The following CXCR2 variants were observed in gnomAD, a reference collection of about 807,000 sequenced individuals.
CXCR2 encodes C-X-C chemokine receptor type 2.
A neutral mutation model predicts 3.7 loss-of-function variants in CXCR2; 2 were observed. The observed-to-expected ratio is 0.55, with a 90% CI of 0.22 to 1.72. The LOEUF (loss-of-function observed/expected upper bound fraction) is 1.72. CXCR2 is among the 40% of genes most tolerant of loss of function. The probability of loss-of-function intolerance (pLI) is 0.19; values close to 1 mark genes in which losing one functional copy is unlikely to be tolerated. For missense variants in CXCR2, 351 were observed against 450.1 expected (o/e 0.78, Z 1.99); for synonymous variants, 203 against 193.3 (o/e 1.05, Z -0.41).
At position 218,136,903 on chromosome 2, in the gene CXCR2, A is replaced by C. The variant is rs1690822966; in HGVS notation, c.*1019A>C. ...AGAGTGAACAAATTTACAGAGACAGAAAGCAGAACAGTGATTACCAGGGAC... is the reference window on the plus strand; with the variant it reads ...AGAGTGAACAAATTTACAGAGACAGCAAGCAGAACAGTGATTACCAGGGAC... On this transcript the variant is annotated 3_prime_UTR_variant, in exon 3 of 3. Coordinates refer to ENST00000318507, the MANE Select transcript of CXCR2 (RefSeq NM_001557.4). 6.0e-6 allele frequency: 1 copy of C among 167,318 alleles called. No homozygotes were observed. The highest frequency in any genetic ancestry group is 2.4e-5 in the African/African-American group (1 of 41,448). The allele number at this position is 167,318 out of a possible 1,614,324, so 10.4% of individuals were successfully genotyped here.
intron 2 of CXCR2, among the ~76,000 whole-genome samples, chr2:218,132,717 C>T (rs764830700): frequency 2.6e-5 from 4 of 152,116 alleles, no homozygotes; most frequent in Non-Finnish European, 5.9e-5. Context: ...TCTTATGGGA[C>T]CACTGTGGTA....
Position 218,126,288 on chromosome 2 carries a change from C to T in CXCR2, c.-143C>T, listed in dbSNP as rs201887993. 2.6e-5 allele frequency: 4 copies of T among 152,338 alleles called. No individual in the cohort carries two copies. Among genetic ancestry groups the T allele is most frequent in the Non-Finnish European group, 5.9e-5 (4 of 68,066 alleles). The allele number at this position is 152,338 out of a possible 1,614,324, so 9.4% of individuals were successfully genotyped here. On this transcript the variant is annotated 5_prime_UTR_variant, in exon 1 of 3. Coordinates refer to ENST00000318507, the MANE Select transcript of CXCR2 (RefSeq NM_001557.4). ...GTTTCATCTTTTTTTTCCTGTCTAA[C>T]AGCTCTGACTACCACCCAACCTTGA...
upstream of CXCR2, chr2:218,125,752 T>C (rs1690493086): frequency 1.3e-5 from 2 of 152,652 alleles, no homozygotes; most frequent in African/African-American, 4.8e-5. Flanking sequence ...TGAAGGGTGC[T>C]AGGACAGAGG....
At chr2:218,128,518 A>G (rs562536773) in intron 1 of CXCR2, among the ~76,000 whole-genome samples, 1 of 152,354 alleles carries the variant, frequency 6.6e-6, no homozygotes, top group African/African-American at 2.4e-5. Context: ...GCCTGGATTA[A>G]TTCATTCATT....
Position 218,135,977 on chromosome 2 carries a change from G to C in CXCR2, c.*93G>C. On this transcript the variant is annotated 3_prime_UTR_variant, in exon 3 of 3. Coordinates refer to ENST00000318507, the MANE Select transcript of CXCR2 (RefSeq NM_001557.4). The surrounding 1 kb of genome is among the most constrained non-coding windows in gnomAD (Gnocchi z 4.0). ...TGTCCACTGGTTCTTCTTGGTCTCAGTGTCAATGCAGCCCCCATTGTGGTC... is the reference window on the plus strand; with the variant it reads ...TGTCCACTGGTTCTTCTTGGTCTCACTGTCAATGCAGCCCCCATTGTGGTC... The C allele has an allele frequency of 1.4e-6, 2 of 1,470,242 alleles. No homozygotes were observed. Among genetic ancestry groups the C allele is most frequent in the Non-Finnish European group, 1.8e-6 (2 of 1,092,088 alleles). 91.1% of individuals were successfully genotyped at this position (1,470,242 alleles called of 1,614,324 possible).
intron 1 of CXCR2, among the ~76,000 whole-genome samples, chr2:218,127,483 A>G (rs1052274349): frequency 6.6e-6 from 1 of 152,172 alleles, no homozygotes; most frequent in Non-Finnish European, 1.5e-5. Flanking sequence ...CATGGAAATG[A>G]AATTGACCTA....
At chr2:218,131,077 T>A (rs940256892) in intron 2 of CXCR2, 4 of 152,314 alleles carry the variant, frequency 2.6e-5, no homozygotes, top group African/African-American at 9.6e-5. Flanking sequence ...GCAGCCTCAG[T>A]CCTGGCTTCT....
chr2:218,128,017 C>A (rs568321890), intron 1 of CXCR2, among the ~76,000 whole-genome samples: 1 of 152,284 alleles, frequency 6.6e-6, no homozygotes, highest in East Asian at 1.9e-4. Flanking sequence ...ATGATCACAA[C>A]AATAAAGGTT....
intron 2 of CXCR2, 106 bp from the exon 3 acceptor site, chr2:218,134,671 A>G: frequency 9.4e-7 from 1 of 1,068,236 alleles, no homozygotes; most frequent in South Asian, 1.7e-5. Flanking sequence ...AAATTACTAC[A>G]TTGTAATACT....
chr2:218,131,651 A>T (rs958321839), intron 2 of CXCR2, among the ~76,000 whole-genome samples: 1 of 151,548 alleles, frequency 6.6e-6, no homozygotes, highest in Non-Finnish European at 1.5e-5. Context: ...TTGTATTTTT[A>T]GTAGAGACGG....
rs780492767 is a variant in CXCR2, at chr2:218,135,511, C to T, written c.710C>T (p.Thr237Met). ...TTCTGCTACGGATTCACCCTGCGTACGCTGTTTAAGGCCCACATGGGGCAG... is the reference window on the plus strand; with the variant it reads ...TTCTGCTACGGATTCACCCTGCGTATGCTGTTTAAGGCCCACATGGGGCAG... ...MLFCYGFTLRTLFKAHMGQKH... is the reference protein window; with the variant it reads ...MLFCYGFTLRMLFKAHMGQKH... The change falls in exon 3 of 3, where the codon ACG becomes ATG. Residue 237 changes from threonine to methionine, a missense_variant. Coordinates refer to ENST00000318507, the MANE Select transcript of CXCR2 (RefSeq NM_001557.4). The surrounding 1 kb of genome is among the most constrained non-coding windows in gnomAD (Gnocchi z 4.0). The T allele has an allele frequency of 2.7e-5, 43 of 1,614,080 alleles. No individual in the cohort carries two copies. Among genetic ancestry groups the T allele is most frequent in the East Asian group, 4.5e-5 (2 of 44,890 alleles).
chr2:218,126,609 G>A (rs17844676), intron 1 of CXCR2, among the ~76,000 whole-genome samples: 3,839 of 152,290 alleles, frequency 0.025, 168 homozygotes, highest in African/African-American at 0.086. Flanking sequence ...AATGTGACTA[G>A]TGTGACTGCG....
rs1410754598 is a variant in CXCR2, at chr2:218,134,759, T to G, written c.-25-18T>G. 2 of 1,578,468 alleles carry G rather than the reference T, an allele frequency of 1.3e-6. No homozygotes were observed. Among genetic ancestry groups the G allele is most frequent in the Non-Finnish European group, 8.6e-7 (1 of 1,161,540 alleles). On this transcript the variant is annotated intron_variant, in intron 2 of 2. Transcript: ENST00000318507. ...ATGGGGAATTTATTATGCAGTAACCTTCATCTCTCTTCTATAGGTCAGGAT... is the reference window on the plus strand; with the variant it reads ...ATGGGGAATTTATTATGCAGTAACCGTCATCTCTCTTCTATAGGTCAGGAT...
intron 2 of CXCR2, among the ~76,000 whole-genome samples, chr2:218,129,619 C>T (rs764393779): frequency 1.6e-4 from 24 of 152,198 alleles, no homozygotes; most frequent in Non-Finnish European, 3.2e-4. Flanking sequence ...CTTGGCCTGG[C>T]AGCCTTCCAA....
intron 2 of CXCR2, 91 bp from the exon 3 acceptor site, chr2:218,134,686 C>T (rs1242500312): frequency 8.2e-7 from 1 of 1,223,426 alleles, no homozygotes; most frequent in Non-Finnish European, 1.1e-6. Context: ...AATACTCAAG[C>T]CAACACAAAG....
intron 1 of CXCR2, among the ~76,000 whole-genome samples, chr2:218,126,660 C>A (rs1006346952): frequency 6.6e-6 from 1 of 151,744 alleles, no homozygotes; most frequent in Non-Finnish European, 1.5e-5. Flanking sequence ...TTTATTTTTT[C>A]TTTTTTGAGA....
At position 218,135,056 on chromosome 2, in the gene CXCR2, C is replaced by T; in HGVS notation, c.255C>T (p.Val85=). The T allele has an allele frequency of 6.2e-7, 1 of 1,614,238 alleles. No homozygotes were observed. The highest frequency in any genetic ancestry group is 8.5e-7 in the Non-Finnish European group (1 of 1,180,052). Residue 85 remains valine, a synonymous_variant, in exon 3 of 3, where the codon GTC becomes GTT. Transcript: ENST00000318507. The surrounding 1 kb of genome is among the most constrained non-coding windows in gnomAD (Gnocchi z 4.0). The part of the protein sequence containing the change: ...YSRVGRSVTD[V]YLLNLALADL... ...GGGTCGGCCGCTCCGTCACTGATGTCTACCTGCTGAACCTAGCCTTGGCCG... is the reference window on the plus strand; with the variant it reads ...GGGTCGGCCGCTCCGTCACTGATGTTTACCTGCTGAACCTAGCCTTGGCCG...
intron 2 of CXCR2, among the ~76,000 whole-genome samples, chr2:218,131,830 C>T (rs6761387): frequency 0.077 from 11,621 of 151,316 alleles, 682 homozygotes; most frequent in African/African-American, 0.16. Flanking sequence ...TCAGTTGCCT[C>T]GGCATGCTGG....
intron 2 of CXCR2, among the ~76,000 whole-genome samples, 158 bp from the exon 3 acceptor site, chr2:218,134,619 A>G (rs535124084): frequency 1.3e-5 from 2 of 152,344 alleles, no homozygotes; most frequent in Admixed American, 6.5e-5. Flanking sequence ...CACCAAATTT[A>G]TCTCATAACC....
Sources: allele counts gnomAD v4.1 joint callset (sites outside exome capture counted in the v4.1 genomes callset), GRCh38; gene constraint gnomAD v4.1.1; non-coding constraint Gnocchi (gnomAD v3.1); transcripts MANE v1.5; gene names NCBI Gene and HGNC (gene_info 2026-07-23, HGNC 2026-07-21).